FAAH2: variants seen among roughly 807,000 people sequenced by gnomAD.
The protein encoded by FAAH2 is fatty-acid amide hydrolase 2.
Under a neutral mutation model 36.9 loss-of-function variants are expected in FAAH2, and 60 were observed. That is an observed-to-expected ratio of 1.63 (90% CI 1.32 to 2.02). The LOEUF is 2.02. Among genes scored for constraint, FAAH2 ranks in the 30% most tolerant of loss-of-function variants. FAAH2 has a pLI of 0.00. For missense variants in FAAH2, 689 were observed against 397.5 expected (o/e 1.73, Z -6.23); for synonymous variants, 214 against 143.8 (o/e 1.49, Z -3.49).
At chrX:57,238,407 A>G in the FAAH2 span, among the ~76,000 whole-genome samples, 1 of 111,807 alleles carries the variant, frequency 8.9e-6, no homozygotes, top group East Asian at 2.8e-4. Flanking sequence ...TAGTAAACCA[A>G]TACTGCATGT....
the FAAH2 span, among the ~76,000 whole-genome samples, chrX:57,215,512 A>G: frequency 8.9e-6 from 1 of 111,736 alleles, no homozygotes; most frequent in Non-Finnish European, 1.9e-5. Flanking sequence ...AGATACATGC[A>G]CACATATGTT....
the FAAH2 span, among the ~76,000 whole-genome samples, chrX:57,237,669 G>T: frequency 9.0e-6 from 1 of 110,728 alleles, no homozygotes; most frequent in African/African-American, 3.3e-5. Context: ...AATCTAAAGA[G>T]CTTCTGCATA....
At chrX:57,266,932 A>T in the FAAH2 span, among the ~76,000 whole-genome samples, 464 of 112,345 alleles carry the variant, frequency 4.1e-3, 1 homozygote, top group African/African-American at 0.015. Context: ...AAACCATTGG[A>T]CCTGATCTCT....
At chrX:57,183,009 C>G in the FAAH2 span, among the ~76,000 whole-genome samples, 1 of 110,523 alleles carries the variant, frequency 9.0e-6, no homozygotes, top group South Asian at 3.8e-4. Flanking sequence ...CACACACACA[C>G]ACAAACACAT....
the FAAH2 span, among the ~76,000 whole-genome samples, chrX:57,200,523 C>T: frequency 1.0e-4 from 11 of 110,108 alleles, no homozygotes; most frequent in African/African-American, 3.6e-4. Context: ...GAATTACAGG[C>T]ATGTACCACC....
intron 7 of FAAH2, among the ~76,000 whole-genome samples, chrX:57,420,135 T>C (rs1048648630): frequency 8.9e-6 from 1 of 111,885 alleles, no homozygotes; most frequent in African/African-American, 3.3e-5. Flanking sequence ...TGTAGTGTAG[T>C]TTGAAGTCAG....
At chrX:57,174,500 C>A in the FAAH2 span, among the ~76,000 whole-genome samples, 2 of 111,671 alleles carry the variant, frequency 1.8e-5, no homozygotes, top group Admixed American at 1.9e-4. Flanking sequence ...GTTAACATAG[C>A]TAATGGTCTA....
chrX:57,162,892 C>T, the FAAH2 span, among the ~76,000 whole-genome samples: 2 of 112,926 alleles, frequency 1.8e-5, no homozygotes, highest in African/African-American at 6.4e-5. Flanking sequence ...AGCTTTGTTC[C>T]CTTGCTGGTA....
At chrX:57,330,062 G>A (rs2053355455) in intron 3 of FAAH2, among the ~76,000 whole-genome samples, 1 of 111,663 alleles carries the variant, frequency 9.0e-6, no homozygotes. Context: ...TAGAGCATGT[G>A]TGTTTGAACA....
intron 5 of FAAH2, among the ~76,000 whole-genome samples, chrX:57,349,212 CAT>C (rs1164954497): frequency 3.5e-5 from 3 of 85,938 alleles, no homozygotes; most frequent in East Asian, 3.5e-4. Flanking sequence ...TACATATATA[CAT>C]ATATATGTGT....
intron 7 of FAAH2, among the ~76,000 whole-genome samples, chrX:57,389,724 A>G (rs771189616): frequency 9.0e-6 from 1 of 111,111 alleles, no homozygotes; most frequent in East Asian, 2.8e-4. Flanking sequence ...GAATTACTTC[A>G]AATATATTAC....
intron 2 of FAAH2, among the ~76,000 whole-genome samples, chrX:57,306,483 A>G (rs2146872027): frequency 9.1e-6 from 1 of 110,230 alleles, no homozygotes; most frequent in South Asian, 3.9e-4. Flanking sequence ...AGACATTTGA[A>G]CAACTAGACC....
chrX:57,342,658 G>T (rs1341483756), intron 5 of FAAH2, among the ~76,000 whole-genome samples: 1 of 110,857 alleles, frequency 9.0e-6, no homozygotes, highest in Non-Finnish European at 1.9e-5. Context: ...GGGCACATAT[G>T]CGGGCTTATT....
chrX:57,225,545 A>C, the FAAH2 span, among the ~76,000 whole-genome samples: 3 of 111,571 alleles, frequency 2.7e-5, no homozygotes, highest in African/African-American at 9.8e-5. Flanking sequence ...GTTGAGGTTC[A>C]TTTTATGGCC....
In FAAH2 at chrX:57,422,263, T is replaced by C. The variant is rs144785139; in HGVS notation, c.997-9655T>C. ...TTTTCTGCACAGGCCAAATAGGAGA[T>C]ATGTGAGTTAAATGGGGATGTGATG... is the stretch of plus-strand genomic sequence containing the variant. On this transcript the variant is annotated intron_variant, in intron 7 of 10. Transcript: ENST00000374900. Among the ~76,000 whole-genome samples, 14 of 111,662 alleles carry C rather than the reference T, an allele frequency of 1.3e-4. No homozygotes were observed. The East Asian group carries it at 3.7e-3, about 29-fold the overall frequency.
chrX:57,350,013 C>A (rs763191521), intron 5 of FAAH2, among the ~76,000 whole-genome samples: 1 of 110,506 alleles, frequency 9.0e-6, no homozygotes, highest in South Asian at 3.8e-4. Flanking sequence ...AAGAGAAAGT[C>A]ATCTATTTAC....
the FAAH2 span, among the ~76,000 whole-genome samples, chrX:57,147,479 C>A: frequency 4.5e-5 from 5 of 111,611 alleles, no homozygotes; most frequent in African/African-American, 1.6e-4. Flanking sequence ...AGTGGTTTAT[C>A]AATTTTATTT....
the FAAH2 span, among the ~76,000 whole-genome samples, chrX:57,216,598 G>GTATATATATACGTA: frequency 1.1e-3 from 5 of 4,693 alleles, no homozygotes; most frequent in African/African-American, 2.1e-3. Context: ...GTATATATAT[G>GTATATATATACGTA]TATATATATA....
At chrX:57,413,008 G>C (rs1175588412) in intron 7 of FAAH2, among the ~76,000 whole-genome samples, 1 of 112,141 alleles carries the variant, frequency 8.9e-6, no homozygotes, top group Non-Finnish European at 1.9e-5. Context: ...ATGTTTGTTG[G>C]CTGCATAAAT....
Sources: allele counts gnomAD v4.1 joint callset (sites outside exome capture counted in the v4.1 genomes callset), GRCh38; gene constraint gnomAD v4.1.1; transcripts MANE v1.5; gene names NCBI Gene and HGNC (gene_info 2026-07-23, HGNC 2026-07-21).